CAMKMT: variants seen among roughly 807,000 people sequenced by gnomAD.
The protein encoded by CAMKMT is calmodulin-lysine N-methyltransferase.
A neutral mutation model predicts 48.0 loss-of-function variants in CAMKMT; 53 were observed. The ratio of observed to expected loss-of-function variants is 1.10; its 90% CI spans 0.89 to 1.39. The LOEUF (loss-of-function observed/expected upper bound fraction) is 1.39. Among genes scored for constraint, CAMKMT ranks in the 40% most tolerant of loss-of-function variants. The probability of loss-of-function intolerance (pLI) is 0.00; values close to 1 mark genes in which losing one functional copy is unlikely to be tolerated. For missense variants in CAMKMT, 428 were observed against 402.7 expected, an observed-to-expected ratio of 1.06 and a Z score of -0.54; for synonymous variants, 165 against 152.3, an observed-to-expected ratio of 1.08 and a Z score of -0.61.
intron 3 of CAMKMT, among the ~76,000 whole-genome samples, chr2:44,589,359 C>G (rs1273584246): frequency 3.8e-5 from 2 of 53,174 alleles, no homozygotes; most frequent in Non-Finnish European, 7.9e-5. Context: ...CCCCTCTGCC[C>G]GGCCACGACC....
At chr2:44,428,338 A>G (rs1428624416) in intron 3 of CAMKMT, among the ~76,000 whole-genome samples, 1 of 152,222 alleles carries the variant, frequency 6.6e-6, no homozygotes, top group Non-Finnish European at 1.5e-5. Flanking sequence ...TCTGATGTTC[A>G]GCTGCCTCTT....
intron 3 of CAMKMT, among the ~76,000 whole-genome samples, chr2:44,582,947 T>C (rs903312507): frequency 1.3e-5 from 2 of 152,210 alleles, no homozygotes; most frequent in East Asian, 1.9e-4. Flanking sequence ...TTTTGGCTGC[T>C]GAAATACATA....
rs1553435805 is a variant in CAMKMT at position 44,673,524 on chromosome 2, G to GGGAAGGAA, written c.377-30757_377-30750dup. Among the ~76,000 whole-genome samples, 33 of 58,302 alleles carry GGGAAGGAA rather than the reference G, an allele frequency of 5.7e-4. 1 individual carries two copies. The highest frequency in any genetic ancestry group is 2.0e-3 in the African/African-American group (31 of 15,380). The allele number at this position is 58,302 out of a possible 152,430, so 38.2% of individuals were successfully genotyped here. On this transcript the variant is annotated intron_variant, in intron 3 of 10. Coordinates refer to ENST00000378494, the MANE Select transcript of CAMKMT (RefSeq NM_024766.5). ...AAGGAAGGAAGGAAGGAAGGAAGGA[G>GGGAAGGAA]GGAAGGAAGAAATCTATACACCCAA...
intron 3 of CAMKMT, among the ~76,000 whole-genome samples, chr2:44,426,435 A>G (rs1407768250): frequency 6.6e-6 from 1 of 152,198 alleles, no homozygotes; most frequent in African/African-American, 2.4e-5. Context: ...GTACCTAGAA[A>G]ACCCTGAAGA....
intron 3 of CAMKMT, among the ~76,000 whole-genome samples, chr2:44,444,887 C>T (rs1666885968): frequency 6.6e-6 from 1 of 152,280 alleles, no homozygotes; most frequent in East Asian, 1.9e-4. Flanking sequence ...CACAGTTTCA[C>T]CTGGGCATTC....
chr2:44,384,498 A>ATTTATTTT (rs1680571955), intron 2 of CAMKMT, among the ~76,000 whole-genome samples: 1 of 102,294 alleles, frequency 9.8e-6, no homozygotes, highest in African/African-American at 4.2e-5. Context: ...TCAGCTATTT[A>ATTTATTTT]TCTTTTTTTT....
At chr2:44,688,047 T>C (rs1676437353) in intron 3 of CAMKMT, among the ~76,000 whole-genome samples, 2 of 152,356 alleles carry the variant, frequency 1.3e-5, no homozygotes, top group East Asian at 1.9e-4. Context: ...GTAATTTACA[T>C]CTACAATGGT....
At chr2:44,380,740 C>T (rs991659474) in intron 2 of CAMKMT, among the ~76,000 whole-genome samples, 8 of 152,062 alleles carry the variant, frequency 5.3e-5, no homozygotes, top group Non-Finnish European at 1.2e-4. Flanking sequence ...GTTTTTAAAC[C>T]CTGATAACTT....
chr2:44,581,263 A>G (rs1331426158), intron 3 of CAMKMT, among the ~76,000 whole-genome samples: 1 of 152,224 alleles, frequency 6.6e-6, no homozygotes, highest in Non-Finnish European at 1.5e-5. Flanking sequence ...TTATGTATAT[A>G]GCTGTTTATC....
intron 3 of CAMKMT, among the ~76,000 whole-genome samples, chr2:44,681,784 G>C (rs1258638914): frequency 6.6e-6 from 1 of 152,152 alleles, no homozygotes; most frequent in East Asian, 1.9e-4. Flanking sequence ...TTAAATATCA[G>C]TTTAGAGTTT....
At chr2:44,721,754 G>A (rs1350611327) in intron 7 of CAMKMT, among the ~76,000 whole-genome samples, 1 of 152,006 alleles carries the variant, frequency 6.6e-6, no homozygotes, top group Non-Finnish European at 1.5e-5. Context: ...AGGGTTGCTT[G>A]AGCCCAGGAG....
chr2:44,692,141 T>C (rs1357348947), intron 3 of CAMKMT, among the ~76,000 whole-genome samples: 4 of 152,288 alleles, frequency 2.6e-5, no homozygotes, highest in African/African-American at 9.6e-5. Context: ...GGGTTATCAA[T>C]GAGGAATAAT....
intron 3 of CAMKMT, among the ~76,000 whole-genome samples, chr2:44,498,079 C>A (rs1028169010): frequency 6.6e-6 from 1 of 152,106 alleles, no homozygotes; most frequent in Non-Finnish European, 1.5e-5. Flanking sequence ...TGCTTGTTTC[C>A]TTTATATTTT....
At chr2:44,747,170 C>T (rs552083801) in intron 8 of CAMKMT, among the ~76,000 whole-genome samples, 5 of 152,270 alleles carry the variant, frequency 3.3e-5, no homozygotes, top group African/African-American at 7.2e-5. Flanking sequence ...CAACCCACCC[C>T]GATTGCTCTC....
At chr2:44,523,332 G>A (rs187656856) in intron 3 of CAMKMT, among the ~76,000 whole-genome samples, 21 of 146,588 alleles carry the variant, frequency 1.4e-4, no homozygotes, top group South Asian at 4.4e-4. Context: ...TCACTCTGTC[G>A]CCCAGGGTAT....
intron 3 of CAMKMT, chr2:44,456,966 A>AT (rs1329260315): frequency 5.5e-6 from 1 of 181,168 alleles, no homozygotes; most frequent in African/African-American, 2.4e-5. Flanking sequence ...CAGTTATTGC[A>AT]TTAGGTGTAG....
At chr2:44,562,330 T>G (rs977122178) in intron 3 of CAMKMT, among the ~76,000 whole-genome samples, 3 of 152,180 alleles carry the variant, frequency 2.0e-5, no homozygotes, top group Non-Finnish European at 4.4e-5. Flanking sequence ...TCTAATCCAT[T>G]TGCTTATTAT....
At chr2:44,684,795 A>C (rs1008905828) in intron 3 of CAMKMT, among the ~76,000 whole-genome samples, 8 of 152,152 alleles carry the variant, frequency 5.3e-5, no homozygotes, top group Admixed American at 5.2e-4. Flanking sequence ...ATTGGTGATA[A>C]TTGTCCTGCC....
intron 3 of CAMKMT, among the ~76,000 whole-genome samples, chr2:44,420,607 G>C (rs956443534): frequency 2.0e-5 from 3 of 151,650 alleles, no homozygotes; most frequent in African/African-American, 4.8e-5. Context: ...TGTGAAAACT[G>C]TCCAGGAGTC....
Sources: gnomAD v4.1 joint callset for allele counts (sites outside exome capture counted in the v4.1 genomes callset) on GRCh38, gnomAD v4.1.1 for gene constraint, MANE v1.5 for transcripts, NCBI Gene and HGNC (gene_info 2026-07-23, HGNC 2026-07-21) for gene names.